Variants in CEP290 observed in about 807,000 individuals in gnomAD.
CEP290 encodes the protein centrosomal protein of 290 kDa.
In CEP290, 317 loss-of-function variants were observed where a neutral mutation model predicts 344.9. That is an observed-to-expected ratio of 0.92 (90% CI 0.84 to 1.01). The LOEUF (loss-of-function observed/expected upper bound fraction) is 1.01, where lower values mean the gene tolerates loss of function less well. Among genes scored for constraint, CEP290 ranks in the 50% least tolerant of loss-of-function variants. CEP290 has a pLI of 0.00. For synonymous variants in CEP290, 932 were observed against 895.8 expected, an observed-to-expected ratio of 1.04 and a Z score of -0.72; for missense variants, 2,754 against 2,761.4, an observed-to-expected ratio of 1.00 and a Z score of 0.06.
intron 13 of CEP290, among the ~76,000 whole-genome samples, chr12:88,123,161 T>C (rs1025708286): frequency 3.3e-5 from 5 of 152,104 alleles, no homozygotes; most frequent in Non-Finnish European, 7.4e-5. Context: ...TTAAAAATAT[T>C]ATTGTTCCAG....
chr12:88,061,779 T>C (rs1424802968), intron 46 of CEP290, among the ~76,000 whole-genome samples: 2 of 147,296 alleles, frequency 1.4e-5, no homozygotes, highest in Non-Finnish European at 3.0e-5. Context: ...TATTTTTCCT[T>C]TTTTTTTTTT....
chr12:88,074,440 C>G (rs1243512942), intron 41 of CEP290, among the ~76,000 whole-genome samples: 1 of 152,058 alleles, frequency 6.6e-6, no homozygotes, highest in Non-Finnish European at 1.5e-5. Context: ...ATTAAGGGAA[C>G]CAAGACTGAA....
rs2035396901 is a variant in CEP290 at position 88,071,813 on chromosome 12, C to T, written c.5823G>A (p.Lys1941=). 6.2e-7 allele frequency: 1 copy of T among 1,600,938 alleles called. No individual in the cohort carries two copies. Among genetic ancestry groups the T allele is most frequent in the Non-Finnish European group, 8.5e-7 (1 of 1,175,382 alleles). The part of the protein sequence containing the change: ...EKEGEVFTLT[K]QLNTLKDLFA... ...AAAGATCCTTCAAAGTATTCAACTG[C>T]TTTGTTAAAGTAAAGACTTCCCCCT... is the stretch of plus-strand genomic sequence containing the variant. The change falls in exon 42 of 54, where the codon AAG becomes AAA. Residue 1941 remains lysine, a synonymous_variant. Coordinates refer to ENST00000552810, the MANE Select transcript of CEP290 (RefSeq NM_025114.4).
rs372268928 is a variant in CEP290, at chr12:88,139,218, G to A, written c.251-27C>T. 193 of 944,238 alleles carry A rather than the reference G, an allele frequency of 2.0e-4. No homozygotes were observed. In the African/African-American group the frequency reaches 2.1e-3, roughly 10 times the overall value. The allele number at this position is 944,238 out of a possible 1,614,324, so 58.5% of individuals were successfully genotyped here. On this transcript the variant is annotated intron_variant, in intron 4 of 53. Coordinates refer to ENST00000552810, the MANE Select transcript of CEP290 (RefSeq NM_025114.4). ...TATTTTTTTAAAAAAAAAGAAAAAC[G>A]TTTTAATTGATTAGTTACCACAAAA... is the stretch of plus-strand genomic sequence containing the variant.
At chr12:88,113,517 A>G (rs2038838898) in intron 20 of CEP290, among the ~76,000 whole-genome samples, 1 of 152,080 alleles carries the variant, frequency 6.6e-6, no homozygotes, top group Non-Finnish European at 1.5e-5. Flanking sequence ...CCAATTACTG[A>G]TTAATCATGA....
At chr12:88,062,102 C>T (rs1011240781) in intron 46 of CEP290, among the ~76,000 whole-genome samples, 17 of 152,014 alleles carry the variant, frequency 1.1e-4, no homozygotes, top group Non-Finnish European at 1.9e-4. Flanking sequence ...TTTCTAATAA[C>T]ACATAATATT....
intron 13 of CEP290, among the ~76,000 whole-genome samples, chr12:88,121,880 C>G (rs1420468641): frequency 6.6e-6 from 1 of 152,022 alleles, no homozygotes; most frequent in Non-Finnish European, 1.5e-5. Flanking sequence ...TTGTATTATG[C>G]TTGATTTTTC....
chr12:88,089,947 G>A (rs1025815526), intron 30 of CEP290, among the ~76,000 whole-genome samples: 2 of 151,906 alleles, frequency 1.3e-5, no homozygotes, highest in Admixed American at 1.3e-4. Flanking sequence ...GGCTGGTCTC[G>A]AACTCCTGAC....
At chr12:88,080,159 G>A in intron 38 of CEP290, 23 bp downstream of exon 38, 1 of 1,497,678 alleles carries the variant, frequency 6.7e-7, no homozygotes, top group South Asian at 1.2e-5. Flanking sequence ...CCTAAATGTT[G>A]ATAATTTTCT....
rs2035383358 is a variant in CEP290 at position 88,071,638 on chromosome 12, TA to T, written c.5855+142del. On this transcript the variant is annotated intron_variant, in intron 42 of 53. Coordinates refer to ENST00000552810, the MANE Select transcript of CEP290 (RefSeq NM_025114.4). ...TATTTAAAACAGATTTTAAAGAAAA[TA>T]AAAAGTAAGTAAATCATAGATAATA... The T allele has an allele frequency of 4.7e-6, 4 of 855,832 alleles. No homozygotes were observed. The East Asian group carries it at 1.2e-4, about 25-fold the overall frequency. The allele number at this position is 855,832 out of a possible 1,614,324, so 53.0% of individuals were successfully genotyped here. A position where few individuals can be genotyped will look rare whatever the true frequency, so the allele number is the denominator to read the frequency against.
chr12:88,052,957 T>G (rs184112691), intron 52 of CEP290, among the ~76,000 whole-genome samples: 5 of 152,288 alleles, frequency 3.3e-5, no homozygotes, highest in Non-Finnish European at 7.3e-5. Flanking sequence ...CTTGTTGGAC[T>G]TCTGCTGGGG....
rs191339436 is a variant in CEP290 at position 88,105,716 on chromosome 12, A to G, written c.2817+959T>C. 8.4e-4 allele frequency among the ~76,000 whole-genome samples: 127 copies of G among 151,162 alleles called. 1 individual carries two copies. The highest frequency in any genetic ancestry group is 3.0e-3 in the African/African-American group (122 of 40,552). On this transcript the variant is annotated intron_variant, in intron 25 of 53. Coordinates refer to ENST00000552810, the MANE Select transcript of CEP290 (RefSeq NM_025114.4). ...TGCTTAATAATGGAGGTATATGGTTATCTTTTCTTCTTCTTCTTCTTCTTT... is the reference window on the plus strand; with the variant it reads ...TGCTTAATAATGGAGGTATATGGTTGTCTTTTCTTCTTCTTCTTCTTCTTT...
Position 88,071,414 on chromosome 12 carries a change from A to T in CEP290, c.5891T>A (p.Leu1964Gln). The change falls in exon 43 of 54, where the codon CTA becomes CAA. Residue 1964 changes from leucine to glutamine, a missense_variant. Transcript: ENST00000552810. The stretch of plus-strand genomic sequence containing the variant: ...ATCAACAGTCATGCCAGTTGTTTTT[A>T]GTTTCCTCTGCAAAGTAAGTTTCTC... ...DKEKLTLQRK[L>Q]KTTGMTVDQV... 1 of 1,611,184 alleles carries T rather than the reference A, an allele frequency of 6.2e-7. No homozygotes were observed. Among genetic ancestry groups the T allele is most frequent in the Admixed American group, 1.7e-5 (1 of 59,576 alleles).
chr12:88,111,428 C>T, intron 21 of CEP290, 77 bp from the exon 22 acceptor site: 1 of 1,347,506 alleles, frequency 7.4e-7, no homozygotes, highest in South Asian at 1.5e-5. Context: ...ATGTGAATGC[C>T]CTGCCAGGAA....
chr12:88,066,790 C>T (rs1254933616), intron 44 of CEP290, among the ~76,000 whole-genome samples: 1 of 152,110 alleles, frequency 6.6e-6, no homozygotes, highest in African/African-American at 2.4e-5. Flanking sequence ...ATGTGTTCCA[C>T]CACATCTGTC....
Position 88,068,607 on chromosome 12 carries a change from T to A in CEP290, c.6050A>T (p.Asp2017Val). The change falls in exon 44 of 54, where the codon GAT becomes GTT. Residue 2017 changes from aspartate to valine, a missense_variant. By Grantham distance (152) the Asp-to-Val change is radical. Coordinates refer to ENST00000552810, the MANE Select transcript of CEP290 (RefSeq NM_025114.4). The stretch of plus-strand genomic sequence containing the variant: ...GAGGTATCTATTTTGTAAATGTAAA[T>A]CTTCTACAACAGAATCTCGAGGAAG... ...QALPRDSVVE[D>V]LHLQNRYLQE... 1 of 1,594,528 alleles carries A rather than the reference T, an allele frequency of 6.3e-7. No homozygotes were observed. Among genetic ancestry groups the A allele is most frequent in the Non-Finnish European group, 8.5e-7 (1 of 1,173,484 alleles).
rs927571972 is a variant in CEP290, at chr12:88,109,141, T to C, written c.2408A>G (p.Asp803Gly). The change falls in exon 23 of 54, where the codon GAT (aspartate) becomes GGT (glycine). Residue 803 changes from aspartate (D) to glycine (G), a missense_variant. By Grantham distance (94) the Asp-to-Gly change is moderately conservative. Transcript: ENST00000552810. ...NKEKKLKNLE[D>G]SLEDYNRKFA... Reference sequence around the variant, plus strand: ...TTTTCTGTTGTAATCTTCAAGAGAATCTTCTAAATTCTTTAACTTTTTTTC... The same window carrying C: ...TTTTCTGTTGTAATCTTCAAGAGAACCTTCTAAATTCTTTAACTTTTTTTC... The C allele has an allele frequency of 1.4e-6, 2 of 1,429,350 alleles. No individual in the cohort carries two copies. Among genetic ancestry groups the C allele is most frequent in the African/African-American group, 3.0e-5 (2 of 67,764 alleles). The allele number at this position is 1,429,350 out of a possible 1,614,324, so 88.5% of individuals were successfully genotyped here. A position where few individuals can be genotyped will look rare whatever the true frequency, so the allele number is the denominator to read the frequency against.
chr12:88,121,628 AAAT>A (rs2039407614), intron 13 of CEP290, among the ~76,000 whole-genome samples: 2 of 151,732 alleles, frequency 1.3e-5, no homozygotes, highest in African/African-American at 4.9e-5. Flanking sequence ...AAAAAAAAAA[AAAT>A]GTTTTTAAAA....
At chr12:88,096,785 T>G (rs1284364237) in intron 27 of CEP290, 103 bp downstream of exon 27, 1 of 613,648 alleles carries the variant, frequency 1.6e-6, no homozygotes, top group Non-Finnish European at 2.7e-6. Context: ...CTTTTTTTAG[T>G]CAAAATACTT....
Sources: allele counts gnomAD v4.1 joint callset (sites outside exome capture counted in the v4.1 genomes callset), GRCh38; gene constraint gnomAD v4.1.1; transcripts MANE v1.5; gene names NCBI Gene and HGNC (gene_info 2026-07-23, HGNC 2026-07-21).